The following NALF1 variants were observed in gnomAD, a reference collection of about 807,000 sequenced individuals.
NALF1 encodes the protein NALCN channel auxiliary factor 1, also known as family with sequence similarity 155 member A.
Under a neutral mutation model 48.4 loss-of-function variants are expected in NALF1, and 3 were observed. The observed-to-expected ratio is 0.06, with a 90% CI of 0.03 to 0.16. NALF1 has a LOEUF of 0.16. Ranked by LOEUF, NALF1 falls within the 10% of genes least tolerant of loss-of-function variation. NALF1 has a pLI of 1.00. For missense variants in NALF1, 526 were observed against 571.5 expected, an observed-to-expected ratio of 0.92 and a Z score of 0.81; for synonymous variants, 262 against 245.7, an observed-to-expected ratio of 1.07 and a Z score of -0.62.
chr13:107,279,146 C>T (rs972819864), intron 1 of NALF1, among the ~76,000 whole-genome samples: 44 of 149,562 alleles, frequency 2.9e-4, no homozygotes, highest in African/African-American at 8.9e-4. Context: ...TTAATTTGAG[C>T]TCTAATTTTC....
At chr13:107,674,140 T>C (rs937479618) in intron 1 of NALF1, among the ~76,000 whole-genome samples, 3 of 151,840 alleles carry the variant, frequency 2.0e-5, no homozygotes, top group Non-Finnish European at 4.4e-5. Context: ...AGCCCTAGTG[T>C]GATCAATGGA....
At chr13:107,688,312 A>G (rs1318890468) in intron 1 of NALF1, among the ~76,000 whole-genome samples, 2 of 152,178 alleles carry the variant, frequency 1.3e-5, no homozygotes, top group African/African-American at 2.4e-5. Context: ...TGTGTTCCCA[A>G]CAATTTTTCC....
intron 1 of NALF1, among the ~76,000 whole-genome samples, chr13:107,496,512 G>A (rs549035351): frequency 2.6e-5 from 4 of 152,290 alleles, no homozygotes; most frequent in African/African-American, 9.6e-5. Flanking sequence ...TGTCTGGTAG[G>A]AGTAGAGCTG....
At chr13:107,453,374 C>T (rs986067110) in intron 1 of NALF1, among the ~76,000 whole-genome samples, 1 of 152,232 alleles carries the variant, frequency 6.6e-6, no homozygotes, top group African/African-American at 2.4e-5. Context: ...CTTCTGCACA[C>T]CCACAGGGCT....
At chr13:107,753,522 ATG>A (rs1169373171) in intron 1 of NALF1, among the ~76,000 whole-genome samples, 18 of 148,524 alleles carry the variant, frequency 1.2e-4, no homozygotes, top group Admixed American at 5.4e-4. Context: ...TCTTCAAGGG[ATG>A]ATGACGAAAT....
At chr13:107,853,203 G>A (rs936476887) in intron 1 of NALF1, among the ~76,000 whole-genome samples, 24 of 152,010 alleles carry the variant, frequency 1.6e-4, no homozygotes, top group African/African-American at 3.1e-4. Flanking sequence ...AAATTTGCAC[G>A]GCTCAGATTT....
At chr13:107,590,724 A>T (rs1878581508) in intron 1 of NALF1, among the ~76,000 whole-genome samples, 1 of 151,966 alleles carries the variant, frequency 6.6e-6, no homozygotes, top group Admixed American at 6.6e-5. Context: ...GTAAGTGGGT[A>T]TCAGTTTACA....
chr13:107,432,122 C>T (rs1884392900), intron 1 of NALF1, among the ~76,000 whole-genome samples: 1 of 152,080 alleles, frequency 6.6e-6, no homozygotes, highest in African/African-American at 2.4e-5. Flanking sequence ...AGGAAGCTTT[C>T]AAACATGGCA....
intron 1 of NALF1, among the ~76,000 whole-genome samples, chr13:107,710,806 CAT>C (rs566039358): frequency 0.013 from 1,204 of 91,576 alleles, 21 homozygotes; most frequent in African/African-American, 0.042. Flanking sequence ...TGTATATATA[CAT>C]ATATGTGTAT....
At chr13:107,258,844 G>A (rs1231092188) in intron 1 of NALF1, among the ~76,000 whole-genome samples, 2 of 135,354 alleles carry the variant, frequency 1.5e-5, no homozygotes, top group Non-Finnish European at 3.1e-5. Context: ...TTAAGGAATT[G>A]AGGATGTTTA....
At chr13:107,752,304 T>C (rs1876962335) in intron 1 of NALF1, among the ~76,000 whole-genome samples, 1 of 152,150 alleles carries the variant, frequency 6.6e-6, no homozygotes. Flanking sequence ...GATAACGTTC[T>C]TTATTGAGAC....
intron 2 of NALF1, among the ~76,000 whole-genome samples, chr13:107,201,171 CT>C (rs59527198): frequency 0.25 from 27,275 of 109,290 alleles, 2,871 homozygotes; most frequent in East Asian, 0.56. Context: ...TATCTATCAT[CT>C]ATCTATCTAT....
intron 1 of NALF1, among the ~76,000 whole-genome samples, chr13:107,373,749 T>G (rs1883288726): frequency 6.6e-6 from 1 of 151,864 alleles, no homozygotes; most frequent in Non-Finnish European, 1.5e-5. Flanking sequence ...TTTGTTTTCG[T>G]TTTTTTTGGG....
At chr13:107,191,997 TAAGA>T (rs903915442) in intron 2 of NALF1, among the ~76,000 whole-genome samples, 2 of 151,888 alleles carry the variant, frequency 1.3e-5, no homozygotes, top group African/African-American at 4.8e-5. Context: ...TGTGTTCTTA[TAAGA>T]AATACAGATG....
intron 1 of NALF1, among the ~76,000 whole-genome samples, chr13:107,256,095 T>A (rs1378093174): frequency 1.3e-5 from 2 of 152,200 alleles, no homozygotes; most frequent in Non-Finnish European, 2.9e-5. Flanking sequence ...TTTTAATGAA[T>A]TTTTCAAACT....
rs138358035 is a variant in NALF1, at chr13:107,260,646, G to A, written c.916-49891C>T. On this transcript the variant is annotated intron_variant, in intron 1 of 2. Coordinates refer to ENST00000375915, the MANE Select transcript of NALF1 (RefSeq NM_001080396.3). ...TGGCTTATTTAGGATAACTTAGCAG[G>A]TCATGAAAATGTTCCTTCTCTCCTC... Among the ~76,000 whole-genome samples, 14 of 152,248 alleles carry A rather than the reference G, an allele frequency of 9.2e-5. No homozygotes were observed. The East Asian group carries it at 2.5e-3, about 27-fold the overall frequency.
At chr13:107,417,177 T>G (rs1054377382) in intron 1 of NALF1, among the ~76,000 whole-genome samples, 1 of 152,260 alleles carries the variant, frequency 6.6e-6, no homozygotes, top group African/African-American at 2.4e-5. Flanking sequence ...TTTCTAATAA[T>G]GCAGAAGTTT....
chr13:107,378,406 ATATG>A (rs959341849), intron 1 of NALF1, among the ~76,000 whole-genome samples: 18 of 150,408 alleles, frequency 1.2e-4, no homozygotes, highest in Admixed American at 6.0e-4. Flanking sequence ...ATATATATAT[ATATG>A]TATGCATGTC....
intron 1 of NALF1, among the ~76,000 whole-genome samples, chr13:107,331,026 T>A (rs773269778): frequency 6.6e-6 from 1 of 152,188 alleles, no homozygotes; most frequent in African/African-American, 2.4e-5. Context: ...ATAAAATAGG[T>A]AATAATTGCA....
Sources: allele counts gnomAD v4.1 joint callset (sites outside exome capture counted in the v4.1 genomes callset), GRCh38; gene constraint gnomAD v4.1.1; transcripts MANE v1.5; gene names NCBI Gene and HGNC (gene_info 2026-07-23, HGNC 2026-07-21).